The following STXBP2 variants were observed in gnomAD, a reference collection of about 807,000 sequenced individuals.
STXBP2 encodes the protein syntaxin-binding protein 2.
STXBP2 carries 47 observed loss-of-function variants against 72.2 expected under a neutral mutation model. The ratio of observed to expected loss-of-function variants is 0.65; its 90% confidence interval spans 0.51 to 0.83. The LOEUF (loss-of-function observed/expected upper bound fraction) is 0.83, where lower values mean the gene tolerates loss of function less well. STXBP2 is among the 40% of genes least tolerant of loss of function. STXBP2 has a pLI of 0.00. For missense variants in STXBP2, 702 were observed against 807.6 expected (o/e 0.87, Z 1.58); for synonymous variants, 367 against 338.7 (o/e 1.08, Z -0.92).
chr19:7,646,042 T>C (rs1458871796), intron 15 of STXBP2: 5 of 598,544 alleles, frequency 8.4e-6, no homozygotes, highest in Non-Finnish European at 9.0e-6. Flanking sequence ...TCGCTCTCTC[T>C]CCCTTTGGCT....
chr19:7,641,671 G>T, intron 6 of STXBP2, 34 bp from the exon 7 acceptor site: 1 of 1,550,040 alleles, frequency 6.5e-7, no homozygotes. Flanking sequence ...ACCTGCAGCG[G>T]CAACCCTGGT....
chr19:7,631,920 G>C, upstream of STXBP2: 1 of 1,105,478 alleles, frequency 9.0e-7, no homozygotes, highest in Non-Finnish European at 1.2e-6. Flanking sequence ...CTCATTGTGA[G>C]CACTGGTCTA....
rs1470980370 is a variant in STXBP2, at chr19:7,640,885, C to G, written c.326-15C>G. On this transcript the variant is annotated splice_polypyrimidine_tract_variant and intron_variant, in intron 5 of 18. Coordinates refer to ENST00000221283, the MANE Select transcript of STXBP2 (RefSeq NM_006949.4). ...GGCTGCTCTGGCCTGATGCCCCACT[C>G]CTGCCTCACCCCAGCCTGCCCCGAG... 2 of 1,614,054 alleles carry G rather than the reference C, an allele frequency of 1.2e-6. No homozygotes were observed. The highest frequency in any genetic ancestry group is 1.7e-5 in the Admixed American group (1 of 60,028).
At chr19:7,637,556 G>A (rs2031600500) in intron 1 of STXBP2, among the ~76,000 whole-genome samples, 2 of 152,014 alleles carry the variant, frequency 1.3e-5, no homozygotes, top group South Asian at 4.1e-4. Flanking sequence ...GGATTCTTGG[G>A]GCCTCCTAGG....
At chr19:7,645,908 C>G in intron 15 of STXBP2, 1 of 440,714 alleles carries the variant, frequency 2.3e-6, no homozygotes, top group East Asian at 4.2e-5. Flanking sequence ...CGTCCCCCTT[C>G]TGTCCCCATC....
Position 7,642,829 on chromosome 19 carries a change from G to T in STXBP2, c.960+6G>T, listed in dbSNP as rs772589071. ...AGAGGCTGACCACGGACAAGGTAGGGGCGGACCCAGGTCACCAAAGGCGCT... is the reference window on the plus strand; with the variant it reads ...AGAGGCTGACCACGGACAAGGTAGGTGCGGACCCAGGTCACCAAAGGCGCT... On this transcript the variant is annotated splice_donor_region_variant and intron_variant, in intron 11 of 18. Coordinates refer to ENST00000221283, the MANE Select transcript of STXBP2 (RefSeq NM_006949.4). The surrounding 1 kb of genome is among the most constrained non-coding windows in gnomAD (Gnocchi z 6.0). 3.1e-6 allele frequency: 5 copies of T among 1,614,136 alleles called. No homozygotes were observed. In the Admixed American group the frequency reaches 6.7e-5, roughly 22 times the overall value.
chr19:7,640,624 C>T lies in STXBP2; in HGVS notation c.247-107C>T, dbSNP rs1280829233. On this transcript the variant is annotated intron_variant, in intron 4 of 18. Coordinates refer to ENST00000221283, the MANE Select transcript of STXBP2 (RefSeq NM_006949.4). ...ATTTGCACATATACATGTCCCCGTC[C>T]GTCCATGTTTGCACATGGTGGCAGA... 5 of 1,415,940 alleles carry T rather than the reference C, an allele frequency of 3.5e-6. No individual in the cohort carries two copies. The Admixed American group carries it at 5.2e-5, about 15-fold the overall frequency. 87.7% of individuals were successfully genotyped at this position (1,415,940 alleles called of 1,614,324 possible).
the STXBP2 span, chr19:7,631,729 C>G: frequency 1.4e-6 from 2 of 1,440,400 alleles, no homozygotes; most frequent in Non-Finnish European, 1.8e-6. Context: ...GCTGTTCCGA[C>G]GGAAGCCGAG....
the STXBP2 span, chr19:7,631,769 G>A: frequency 2.5e-5 from 35 of 1,421,704 alleles, no homozygotes; most frequent in Non-Finnish European, 3.0e-5. Flanking sequence ...GTGAGCAGGG[G>A]TTGGGGACTG....
In STXBP2 at chr19:7,645,180, CCATT is replaced by C; in HGVS notation, c.1247-15_1247-12del. Reference sequence around the variant, plus strand: ...CACCTGGCCGCCGCCTCCACCCTGCCCATTCCCGTCCCCCAGGTGTGAGTGAGGA... The same window carrying C: ...CACCTGGCCGCCGCCTCCACCCTGCCCCCGTCCCCCAGGTGTGAGTGAGGA... On this transcript the variant is annotated splice_polypyrimidine_tract_variant and intron_variant, in intron 14 of 18. Coordinates refer to ENST00000221283, the MANE Select transcript of STXBP2 (RefSeq NM_006949.4). The C allele has an allele frequency of 6.4e-7, 1 of 1,553,628 alleles. No homozygotes were observed. Among genetic ancestry groups the C allele is most frequent in the Admixed American group, 1.9e-5 (1 of 51,358 alleles).
At chr19:7,631,105 G>A in the STXBP2 span, 3 of 757,374 alleles carry the variant, frequency 4.0e-6, no homozygotes, top group Non-Finnish European at 4.1e-6. Context: ...CTGCTTGGGA[G>A]GCTGAGGGAG....
chr19:7,632,098 T>C (rs2031337711), upstream of STXBP2: 1 of 561,298 alleles, frequency 1.8e-6, no homozygotes, highest in Admixed American at 3.3e-5. This position sits in a 1 kb window ranked among gnomAD's most constrained non-coding sequence, Gnocchi z 5.2. Context: ...CGTGACTTCC[T>C]CCCTGGGATA....
At chr19:7,643,329 G>T (rs2031973934) in intron 13 of STXBP2, 84 bp downstream of exon 13, 16 of 1,309,580 alleles carry the variant, frequency 1.2e-5, no homozygotes, top group Admixed American at 6.1e-5. Context: ...GAGATGGGGG[G>T]TTCTGGGGGA....
In STXBP2 at chr19:7,647,539, G is replaced by C. The variant is rs34976997; in HGVS notation, c.1696+28G>C. 0.35 allele frequency: 547,064 copies of C among 1,573,874 alleles called. 96,029 individuals carry two copies. The highest frequency in any genetic ancestry group is 0.36 in the Admixed American group (19,252 of 53,944). On this transcript the variant is annotated intron_variant, in intron 18 of 18. Coordinates refer to ENST00000221283, the MANE Select transcript of STXBP2 (RefSeq NM_006949.4). Reference sequence around the variant, plus strand: ...AAGTCACCAGGACTGGGACCCTGGGGTCTGGGGCTTGGGTTCCCGGGGCCT... The same window carrying C: ...AAGTCACCAGGACTGGGACCCTGGGCTCTGGGGCTTGGGTTCCCGGGGCCT...
chr19:7,642,728 C>T lies in STXBP2; in HGVS notation c.903-38C>T. 3 of 1,609,068 alleles carry T rather than the reference C, an allele frequency of 1.9e-6. No individual in the cohort carries two copies. Among genetic ancestry groups the T allele is most frequent in the East Asian group, 2.2e-5 (1 of 44,768 alleles). ...GGCTCACCCATGGCCTGTGGCTCCT[C>T]TCCCCTCACTCTCACCCCCGCCCAC... is the stretch of plus-strand genomic sequence containing the variant. On this transcript the variant is annotated intron_variant, in intron 10 of 18. Transcript: ENST00000221283. The surrounding 1 kb of genome is among the most constrained non-coding windows in gnomAD (Gnocchi z 6.0).
intron 17 of STXBP2, 37 bp downstream of exon 17, chr19:7,647,284 C>G (rs2032176303): frequency 1.2e-6 from 2 of 1,611,074 alleles, no homozygotes; most frequent in African/African-American, 2.7e-5. Context: ...ACGCCTGGGT[C>G]TGTGTTAGGT....
At chr19:7,641,334 C>T in intron 6 of STXBP2, 1 of 494,800 alleles carries the variant, frequency 2.0e-6, no homozygotes, top group Non-Finnish European at 3.7e-6. Context: ...TGCACTGCTG[C>T]CCTCCAGCCT....
At chr19:7,640,485 TATGTGTGTGTGCATCTGTGTGTGTGTGC>T in intron 4 of STXBP2, 1 of 685,956 alleles carries the variant, frequency 1.5e-6, no homozygotes, top group Admixed American at 2.0e-5. Flanking sequence ...TGCATGTGTG[TATGTGTGTGTGCATCTGTGTGTGTGTGC>T]ATGTGTGCAT....
At chr19:7,640,347 C>G in intron 4 of STXBP2, 1 of 447,720 alleles carries the variant, frequency 2.2e-6, no homozygotes, top group African/African-American at 4.2e-5. Context: ...TGTGTGTATG[C>G]GTCTGTGCAT....
Sources: allele counts gnomAD v4.1 joint callset (sites outside exome capture counted in the v4.1 genomes callset), GRCh38; gene constraint gnomAD v4.1.1; non-coding constraint Gnocchi (gnomAD v3.1); transcripts MANE v1.5; gene names NCBI Gene and HGNC (gene_info 2026-07-23, HGNC 2026-07-21).